The following POF1B variants were observed in gnomAD, a reference collection of about 807,000 sequenced individuals.
POF1B encodes POF1B actin binding protein.
POF1B carries 53 observed loss-of-function variants against 55.3 expected under a neutral mutation model. The ratio of observed to expected loss-of-function variants is 0.96; its 90% confidence interval spans 0.77 to 1.20. POF1B has a LOEUF of 1.20. Ranked by LOEUF, POF1B falls within the 50% of genes most tolerant of loss-of-function variation. The pLI is 0.00. For synonymous variants in POF1B, 188 were observed against 148.3 expected (o/e 1.27, Z -1.95); for missense variants, 478 against 420.5 (o/e 1.14, Z -1.20).
At chrX:85,314,190 TGAATAAGGGCATTCTACA>T (rs1166297138) in intron 9 of POF1B, among the ~76,000 whole-genome samples, 2 of 110,346 alleles carry the variant, frequency 1.8e-5, no homozygotes, top group Non-Finnish European at 3.8e-5. Flanking sequence ...CGCTGAGGAG[TGAATAAGGGCATTCTACA>T]GAAGGGAATA....
At chrX:85,323,193 G>C (rs1932858421) in intron 7 of POF1B, among the ~76,000 whole-genome samples, 2 of 111,580 alleles carry the variant, frequency 1.8e-5, no homozygotes, top group South Asian at 3.8e-4. Context: ...TTGGAACCAA[G>C]CCAAATGTCC....
In POF1B at chrX:85,316,298, T is replaced by C. The variant is rs151305647; in HGVS notation, c.855-564A>G. Among the ~76,000 whole-genome samples, 459 of 111,699 alleles carry C rather than the reference T, an allele frequency of 4.1e-3. 5 individuals are homozygous for C. Among genetic ancestry groups the C allele is most frequent in the African/African-American group, 0.014 (430 of 30,860 alleles). On this transcript the variant is annotated intron_variant, in intron 7 of 16. Coordinates refer to ENST00000262753, the MANE Select transcript of POF1B (RefSeq NM_024921.4). ...TGAATCTTTACATAGGGACAAAGCA[T>C]TAAGCAAAATGATCAAAATTCTAGT...
At chrX:85,335,395 T>C (rs1933052776) in intron 6 of POF1B, among the ~76,000 whole-genome samples, 1 of 111,565 alleles carries the variant, frequency 9.0e-6, no homozygotes, top group African/African-American at 3.2e-5. Flanking sequence ...AGATTACTAC[T>C]TGATTTTGCT....
At chrX:85,373,500 A>G (rs931460421) in intron 2 of POF1B, among the ~76,000 whole-genome samples, 1 of 111,791 alleles carries the variant, frequency 8.9e-6, no homozygotes, top group African/African-American at 3.2e-5. Context: ...CAAAAAACCC[A>G]TGTATTAATA....
At chrX:85,372,773 C>CTATATATATATATATATATATA (rs200507402) in intron 2 of POF1B, among the ~76,000 whole-genome samples, 37 of 96,741 alleles carry the variant, frequency 3.8e-4, no homozygotes, top group African/African-American at 1.4e-3. Context: ...ATTATATATA[C>CTATATATATATATATATATATA]TATATATATA....
chrX:85,354,404 T>C (rs1472267464), intron 4 of POF1B, among the ~76,000 whole-genome samples: 2 of 110,663 alleles, frequency 1.8e-5, no homozygotes, highest in Non-Finnish European at 3.8e-5. Flanking sequence ...AGGAATGATA[T>C]GAACCTTCAT....
intron 3 of POF1B, among the ~76,000 whole-genome samples, chrX:85,364,896 G>T (rs780368113): frequency 1.8e-5 from 2 of 112,125 alleles, no homozygotes; most frequent in African/African-American, 6.5e-5. Context: ...ATATTTCATA[G>T]ATTTAGCTTG....
At chrX:85,344,116 A>G (rs1002369986) in intron 6 of POF1B, among the ~76,000 whole-genome samples, 6 of 111,023 alleles carry the variant, frequency 5.4e-5, no homozygotes, top group African/African-American at 2.0e-4. Flanking sequence ...AAGAAAGCCC[A>G]AAGTTTTTAA....
chrX:85,365,919 G>T (rs1206371948), intron 3 of POF1B, among the ~76,000 whole-genome samples: 2 of 110,924 alleles, frequency 1.8e-5, no homozygotes, highest in Non-Finnish European at 3.8e-5. Context: ...GCCTAAGTCG[G>T]GGGTTCCCTG....
chrX:85,373,769 A>G (rs1455686235), intron 2 of POF1B, among the ~76,000 whole-genome samples: 3 of 111,550 alleles, frequency 2.7e-5, no homozygotes, highest in African/African-American at 9.8e-5. Context: ...TGGGACAATC[A>G]GAGGATCAGA....
At chrX:85,374,339 C>G (rs1035594010) in intron 2 of POF1B, among the ~76,000 whole-genome samples, 2 of 111,279 alleles carry the variant, frequency 1.8e-5, no homozygotes, top group African/African-American at 6.5e-5. Context: ...CCTCTTCAGT[C>G]AAGACCTGTT....
chrX:85,316,719 AT>A (rs964185127), intron 7 of POF1B, among the ~76,000 whole-genome samples: 15 of 110,813 alleles, frequency 1.4e-4, no homozygotes, highest in East Asian at 5.7e-4. Flanking sequence ...TTGTCTATTC[AT>A]TTTTTTTAAC....
chrX:85,331,045 T>A lies in POF1B; in HGVS notation c.758A>T (p.Asp253Val). 8.3e-7 allele frequency: 1 copy of A among 1,206,438 alleles called. No individual in the cohort carries two copies. The highest frequency in any genetic ancestry group is 1.1e-6 in the Non-Finnish European group (1 of 892,721). ...AAGCAACTCTCCAAAATATCTGGGG[T>A]CCAATTTTTCAGGGCCATCATCCTG... ...IIQDDGPEKL[D>V]PRYFGELLAD... is the part of the protein sequence containing the mutation. The change falls in exon 7 of 17, where the codon GAC (aspartate) becomes GTC (valine). Residue 253 changes from aspartate to valine, a missense_variant. Coordinates refer to ENST00000262753, the MANE Select transcript of POF1B (RefSeq NM_024921.4).
At chrX:85,326,232 G>A (rs186162512) in intron 7 of POF1B, among the ~76,000 whole-genome samples, 5 of 112,091 alleles carry the variant, frequency 4.5e-5, no homozygotes, top group South Asian at 3.7e-4. Flanking sequence ...CAGGCGTGCC[G>A]GCCTCTGTGG....
Position 85,279,145 on chromosome X carries a change from G to T in POF1B, c.*276C>A. 3.7e-6 allele frequency: 1 copy of T among 269,078 alleles called. No homozygotes were observed. The allele number at this position is 269,078 out of a possible 1,213,427, so 22.2% of individuals were successfully genotyped here. On this transcript the variant is annotated 3_prime_UTR_variant, in exon 17 of 17. Transcript: ENST00000262753. ...GAAACATAATGAGTTATGTTCTACAGTGTCTGCAATCAAACTTTAAACAAT... is the reference window on the plus strand; with the variant it reads ...GAAACATAATGAGTTATGTTCTACATTGTCTGCAATCAAACTTTAAACAAT...
chrX:85,316,719 A>AT (rs964185127), intron 7 of POF1B, among the ~76,000 whole-genome samples: 16 of 110,868 alleles, frequency 1.4e-4, no homozygotes, highest in Middle Eastern at 4.6e-3. Context: ...TTGTCTATTC[A>AT]TTTTTTTTAA....
At chrX:85,312,733 G>A (rs957315095) in intron 9 of POF1B, among the ~76,000 whole-genome samples, 7 of 111,247 alleles carry the variant, frequency 6.3e-5, no homozygotes, top group Admixed American at 2.9e-4. Flanking sequence ...TAGCTTGATG[G>A]GGTTAGCACT....
intron 7 of POF1B, among the ~76,000 whole-genome samples, chrX:85,317,453 T>C (rs1384810954): frequency 2.7e-5 from 3 of 109,982 alleles, no homozygotes; most frequent in Non-Finnish European, 5.7e-5. Context: ...TTTTGACTTT[T>C]TAATAACAAC....
At chrX:85,294,047 A>G (rs1249722981) in intron 15 of POF1B, among the ~76,000 whole-genome samples, 1 of 111,696 alleles carries the variant, frequency 9.0e-6, no homozygotes, top group African/African-American at 3.2e-5. Flanking sequence ...ATTAAAGAAA[A>G]TGCTACTGAA....
Sources: gnomAD v4.1 joint callset for allele counts (sites outside exome capture counted in the v4.1 genomes callset) on GRCh38, gnomAD v4.1.1 for gene constraint, MANE v1.5 for transcripts, NCBI Gene and HGNC (gene_info 2026-07-23, HGNC 2026-07-21) for gene names.